MAPK10: variants seen among roughly 807,000 people sequenced by gnomAD.
MAPK10 encodes the protein JNK3 alpha protein kinase.
Under a neutral mutation model 59.3 loss-of-function variants are expected in MAPK10, and 25 were observed. The observed-to-expected ratio is 0.42, with a 90% CI of 0.31 to 0.59. MAPK10 has a LOEUF of 0.59. MAPK10 is among the 20% of genes least tolerant of loss of function. The pLI, the probability that MAPK10 is intolerant of heterozygous loss-of-function variation, is 0.15. For missense variants in MAPK10, 351 were observed against 568.9 expected (o/e 0.62, Z 3.90); for synonymous variants, 190 against 200.5 (o/e 0.95, Z 0.44).
chr4:86,194,804 A>G (rs1418708303), intron 2 of MAPK10, among the ~76,000 whole-genome samples: 1 of 151,864 alleles, frequency 6.6e-6, no homozygotes, highest in Non-Finnish European at 1.5e-5. Flanking sequence ...ATAAAATATA[A>G]TTTATAATAG....
In MAPK10 at chr4:86,017,260, C is replaced by T. The variant is rs1267683767; in HGVS notation, c.1363G>A (p.Ala455Thr). ...LASDTDSSLE[A>T]SAGPLGCCR ...CAACAACCCAGGGGTCCTGCCGAGG[C>T]TTCCAGGCTGCTGTCAGTGTCAGAT... is the stretch of plus-strand genomic sequence containing the variant. The change falls in exon 14 of 14, where the codon GCC (alanine) becomes ACC (threonine). Residue 455 changes from alanine to threonine, a missense_variant. By Grantham distance (58) the Ala-to-Thr change is moderately conservative. Around this residue, in one of 5 missense-constraint regions of MAPK10, gnomAD observed 155 missense variants for 204.2 expected, o/e 0.76. Transcript: ENST00000641462. This position sits in a 1 kb window ranked among gnomAD's most constrained non-coding sequence, Gnocchi z 4.4. 3.1e-6 allele frequency: 5 copies of T among 1,614,150 alleles called. No individual in the cohort carries two copies. The highest frequency in any genetic ancestry group is 4.2e-6 in the Non-Finnish European group (5 of 1,180,006).
At chr4:86,211,071 C>T (rs531962498) in intron 2 of MAPK10, among the ~76,000 whole-genome samples, 18 of 151,734 alleles carry the variant, frequency 1.2e-4, no homozygotes, top group East Asian at 5.8e-4. Context: ...AAAAATTAAA[C>T]GAAGCCTAAG....
At chr4:86,427,706 T>A (rs1002434782) in intron 1 of MAPK10, among the ~76,000 whole-genome samples, 1 of 152,242 alleles carries the variant, frequency 6.6e-6, no homozygotes, top group East Asian at 1.9e-4. Flanking sequence ...CTAACTTCTA[T>A]AAACAAATTT....
chr4:86,161,379 C>A (rs1451951411), intron 3 of MAPK10, among the ~76,000 whole-genome samples: 1 of 151,964 alleles, frequency 6.6e-6, no homozygotes. Context: ...TGGACAGTGG[C>A]AGAAAAAAGA....
intron 5 of MAPK10, among the ~76,000 whole-genome samples, chr4:86,106,224 T>C (rs2056506613): frequency 1.3e-5 from 2 of 152,124 alleles, no homozygotes. Context: ...AACACATTTG[T>C]GTCTTCTCAG....
At chr4:86,500,642 C>CTA (rs888029816) in intron 1 of MAPK10, among the ~76,000 whole-genome samples, 6 of 152,064 alleles carry the variant, frequency 3.9e-5, no homozygotes, top group Non-Finnish European at 2.9e-5. Flanking sequence ...CCTAAGCCCT[C>CTA]TATATATGTT....
chr4:86,022,552 T>C (rs1452747639), intron 13 of MAPK10, among the ~76,000 whole-genome samples: 1 of 152,182 alleles, frequency 6.6e-6, no homozygotes, highest in African/African-American at 2.4e-5. Context: ...TCGCCCAGCC[T>C]GTAGCACAGT....
chr4:86,145,391 A>G (rs1439138205), intron 4 of MAPK10, among the ~76,000 whole-genome samples: 1 of 151,080 alleles, frequency 6.6e-6, no homozygotes, highest in East Asian at 1.9e-4. Flanking sequence ...AAAAATTTCT[A>G]TCTCTATTTG....
At chr4:86,498,303 G>C (rs1755042596) in intron 1 of MAPK10, among the ~76,000 whole-genome samples, 1 of 152,200 alleles carries the variant, frequency 6.6e-6, no homozygotes, top group Non-Finnish European at 1.5e-5. Context: ...GAAACCTACT[G>C]TTACCACACA....
At chr4:86,569,552 A>G (rs1369100436) in intron 1 of MAPK10, among the ~76,000 whole-genome samples, 1 of 152,178 alleles carries the variant, frequency 6.6e-6, no homozygotes, top group African/African-American at 2.4e-5. Context: ...GAATCAACCT[A>G]CCTACCTACC....
rs142813856 is a variant in MAPK10 at position 86,493,499 on chromosome 4, T to A, written c.-263+100411A>T. On this transcript the variant is annotated intron_variant, in intron 1 of 4. Coordinates refer to the MAPK10 transcript ENST00000502302. ...GTTTTTAGATTTAATTTGGGCTGTCTTTACTTTGTCCTGGATTCTAGAATC... is the reference window on the plus strand; with the variant it reads ...GTTTTTAGATTTAATTTGGGCTGTCATTACTTTGTCCTGGATTCTAGAATC... Among the ~76,000 whole-genome samples, 931 of 152,332 alleles carry A rather than the reference T, an allele frequency of 6.1e-3. 7 individuals are homozygous for A. Among genetic ancestry groups the A allele is most frequent in the Admixed American group, 0.012 (182 of 15,298 alleles).
At chr4:86,246,454 C>T (rs887733827) in intron 2 of MAPK10, among the ~76,000 whole-genome samples, 4 of 152,188 alleles carry the variant, frequency 2.6e-5, no homozygotes, top group Admixed American at 2.6e-4. Flanking sequence ...ACAACAACAA[C>T]AACATCAAGT....
intron 1 of MAPK10, among the ~76,000 whole-genome samples, chr4:86,535,649 G>GT (rs1758186279): frequency 6.6e-6 from 1 of 151,358 alleles, no homozygotes. Flanking sequence ...ACTTTTTTTT[G>GT]TTTTTTCTTC....
chr4:86,201,214 A>G (rs2082547687), intron 2 of MAPK10, among the ~76,000 whole-genome samples: 1 of 151,866 alleles, frequency 6.6e-6, no homozygotes, highest in African/African-American at 2.4e-5. Flanking sequence ...TCCATTGTGT[A>G]TATGTATGTA....
intron 2 of MAPK10, among the ~76,000 whole-genome samples, chr4:86,291,032 G>A (rs1054461594): frequency 1.1e-4 from 16 of 152,100 alleles, no homozygotes; most frequent in African/African-American, 3.9e-4. Flanking sequence ...TTGTAAATAG[G>A]AAAGCTATAA....
intron 3 of MAPK10, among the ~76,000 whole-genome samples, chr4:86,183,782 C>T (rs1249532542): frequency 1.3e-5 from 2 of 152,170 alleles, no homozygotes; most frequent in Non-Finnish European, 2.9e-5. Flanking sequence ...CCTATTTCTC[C>T]ACATCCTCTC....
At chr4:86,189,019 C>T (rs1470079284) in intron 3 of MAPK10, among the ~76,000 whole-genome samples, 3 of 152,010 alleles carry the variant, frequency 2.0e-5, no homozygotes, top group African/African-American at 4.8e-5. Context: ...AATCCTTTCC[C>T]CATGGCTTAT....
intron 1 of MAPK10, chr4:86,356,602 A>G (rs1042555566): frequency 8.5e-5 from 18 of 211,760 alleles, no homozygotes; most frequent in Admixed American, 3.3e-4. Flanking sequence ...TCATGAGGAT[A>G]AAATGTACTC....
At chr4:86,337,337 G>A (rs1268617087) in intron 2 of MAPK10, among the ~76,000 whole-genome samples, 3 of 152,146 alleles carry the variant, frequency 2.0e-5, no homozygotes, top group Admixed American at 6.5e-5. Context: ...TAAGAGGTTG[G>A]TGGTCACCTT....
Sources: gnomAD v4.1 joint callset for allele counts (sites outside exome capture counted in the v4.1 genomes callset) on GRCh38, gnomAD v4.1.1 for gene constraint, gnomAD v4.1.1 regional missense constraint, Gnocchi (gnomAD v3.1) non-coding constraint, MANE v1.5 for transcripts, NCBI Gene and HGNC (gene_info 2026-07-23, HGNC 2026-07-21) for gene names.